Variants in FHIT observed in about 807,000 individuals in gnomAD.
The protein encoded by FHIT is bis(5'-adenosyl)-triphosphatase.
FHIT carries 19 observed loss-of-function variants against 17.9 expected under a neutral mutation model. The observed-to-expected ratio is 1.06, with a 90% CI of 0.74 to 1.56. The LOEUF (loss-of-function observed/expected upper bound fraction) is 1.56. FHIT is among the 40% of genes most tolerant of loss of function. The probability of loss-of-function intolerance (pLI) is 0.00; values close to 1 mark genes in which losing one functional copy is unlikely to be tolerated. For missense variants in FHIT, 248 were observed against 189.2 expected, an observed-to-expected ratio of 1.31 and a Z score of -1.82; for synonymous variants, 81 against 69.7, an observed-to-expected ratio of 1.16 and a Z score of -0.81.
At chr3:60,089,704 A>G (rs1372787931) in intron 5 of FHIT, among the ~76,000 whole-genome samples, 1 of 152,204 alleles carries the variant, frequency 6.6e-6, no homozygotes, top group Non-Finnish European at 1.5e-5. Flanking sequence ...TTTCTCACAG[A>G]TCTGGGAAAT....
chr3:60,638,320 TGAAATAATGGGTCTA>T (rs782334007), intron 4 of FHIT, among the ~76,000 whole-genome samples: 6 of 152,136 alleles, frequency 3.9e-5, no homozygotes, highest in Non-Finnish European at 7.4e-5. Flanking sequence ...CAGCTCTTAA[TGAAATAATGGGTCTA>T]GACAACCACC....
At chr3:60,494,597 A>ACCCACACCTCCCTG (rs1309104330) in intron 5 of FHIT, among the ~76,000 whole-genome samples, 1 of 152,022 alleles carries the variant, frequency 6.6e-6, no homozygotes, top group Non-Finnish European at 1.5e-5. Flanking sequence ...CATTAACCAT[A>ACCCACACCTCCCTG]CCCACACCTC....
chr3:60,947,617 GA>G (rs1432620588), intron 3 of FHIT, among the ~76,000 whole-genome samples: 4 of 152,108 alleles, frequency 2.6e-5, no homozygotes, highest in African/African-American at 4.8e-5. Context: ...AATTATTTTT[GA>G]AAAGGTCATA....
chr3:60,862,556 T>C (rs1553752905), intron 3 of FHIT, among the ~76,000 whole-genome samples: 1 of 152,098 alleles, frequency 6.6e-6, no homozygotes, highest in Admixed American at 6.5e-5. Context: ...CCCTGCAGGA[T>C]TCCCATCCCT....
chr3:60,288,570 T>TGA (rs1197667099), intron 5 of FHIT, among the ~76,000 whole-genome samples: 3 of 67,680 alleles, frequency 4.4e-5, no homozygotes, highest in African/African-American at 1.6e-4. Context: ...TGGCACAGTG[T>TGA]GTGTGTGTGT....
intron 8 of FHIT, among the ~76,000 whole-genome samples, chr3:59,913,259 T>C (rs294458): frequency 0.75 from 113,317 of 152,048 alleles, 43,852 homozygotes; most frequent in Non-Finnish European, 0.86. Context: ...ATGAAAACCA[T>C]TTGGGATTTA....
At chr3:60,098,956 G>C (rs909624585) in intron 5 of FHIT, among the ~76,000 whole-genome samples, 10 of 152,124 alleles carry the variant, frequency 6.6e-5, no homozygotes, top group African/African-American at 2.4e-4. Context: ...ATGTTTACCT[G>C]ATCTTACACT....
chr3:60,982,179 G>A lies in FHIT; in HGVS notation c.-111+59868C>T, dbSNP rs1190051632. Among the ~76,000 whole-genome samples the A allele has an allele frequency of 2.0e-5, 3 of 152,212 alleles. No individual in the cohort carries two copies. The East Asian group carries it at 5.8e-4, about 29-fold the overall frequency. ...TTCAGTGCTTTCCCTGCTACACTCA[G>A]AATAAAGTCAAAGCCCTTGGCCCTG... On this transcript the variant is annotated intron_variant, in intron 3 of 9. Transcript: ENST00000492590.
At chr3:60,638,914 G>A (rs2039657265) in intron 4 of FHIT, among the ~76,000 whole-genome samples, 3 of 150,108 alleles carry the variant, frequency 2.0e-5, no homozygotes, top group Non-Finnish European at 4.4e-5. Flanking sequence ...CTTAAAACAT[G>A]ACTGGAAAAG....
At chr3:61,233,310 C>T (rs775160295) in intron 1 of FHIT, among the ~76,000 whole-genome samples, 3 of 152,062 alleles carry the variant, frequency 2.0e-5, no homozygotes, top group Non-Finnish European at 4.4e-5. Flanking sequence ...TTTTAATCTA[C>T]ATGTAAAATA....
At chr3:61,116,698 T>C (rs1271730412) in intron 2 of FHIT, among the ~76,000 whole-genome samples, 5 of 152,266 alleles carry the variant, frequency 3.3e-5, no homozygotes, top group Non-Finnish European at 7.4e-5. Context: ...AGTTAAAGTA[T>C]CTTTCAAAGC....
chr3:60,559,735 G>A (rs1388394188), intron 4 of FHIT, among the ~76,000 whole-genome samples: 1 of 122,620 alleles, frequency 8.2e-6, no homozygotes, highest in Admixed American at 7.6e-5. Flanking sequence ...CCCAGCTCTA[G>A]AAGATGAGAA....
intron 5 of FHIT, among the ~76,000 whole-genome samples, chr3:60,224,869 C>T (rs1704122677): frequency 6.6e-6 from 1 of 151,868 alleles, no homozygotes; most frequent in African/African-American, 2.4e-5. Context: ...TACAGGCATG[C>T]ACCACCATGC....
intron 5 of FHIT, among the ~76,000 whole-genome samples, chr3:60,106,714 A>C (rs1157802550): frequency 1.3e-5 from 2 of 152,190 alleles, no homozygotes; most frequent in Non-Finnish European, 2.9e-5. Flanking sequence ...GGGTGCATGT[A>C]GTGTACGCCC....
chr3:60,790,017 A>C (rs1700721620), intron 4 of FHIT, among the ~76,000 whole-genome samples: 1 of 152,206 alleles, frequency 6.6e-6, no homozygotes, highest in Non-Finnish European at 1.5e-5. Flanking sequence ...TCAATGCATG[A>C]ATTAAAGACA....
intron 8 of FHIT, among the ~76,000 whole-genome samples, chr3:59,848,851 G>T (rs1701821899): frequency 6.6e-6 from 1 of 152,164 alleles, no homozygotes; most frequent in South Asian, 2.1e-4. Context: ...TGGGGAAAAA[G>T]ATCTCATTTC....
intron 3 of FHIT, among the ~76,000 whole-genome samples, chr3:60,940,876 A>G (rs1304976966): frequency 2.0e-5 from 3 of 152,172 alleles, no homozygotes; most frequent in Non-Finnish European, 2.9e-5. Flanking sequence ...TAAAAATTGC[A>G]CTTGGATTTA....
chr3:60,787,221 C>G (rs1205950599), intron 4 of FHIT, among the ~76,000 whole-genome samples: 1 of 152,066 alleles, frequency 6.6e-6, no homozygotes, highest in African/African-American at 2.4e-5. Flanking sequence ...TACATGCTAC[C>G]AACTTTACCT....
At chr3:60,040,737 G>T (rs1325411144) in intron 5 of FHIT, among the ~76,000 whole-genome samples, 1 of 152,140 alleles carries the variant, frequency 6.6e-6, no homozygotes, top group Non-Finnish European at 1.5e-5. Context: ...AGAACTAGAA[G>T]GAGAGACTGG....
Sources: allele counts gnomAD v4.1 joint callset (sites outside exome capture counted in the v4.1 genomes callset), GRCh38; gene constraint gnomAD v4.1.1; transcripts MANE v1.5; gene names NCBI Gene and HGNC (gene_info 2026-07-23, HGNC 2026-07-21).